Variants in BCAT1 observed in about 807,000 individuals in gnomAD.
The protein encoded by BCAT1 is branched-chain-amino-acid aminotransferase, cytosolic.
BCAT1 carries 48 observed loss-of-function variants against 52.4 expected under a neutral mutation model. The observed-to-expected ratio is 0.92, with a 90% confidence interval of 0.73 to 1.16. BCAT1 has a LOEUF of 1.16. Ranked by LOEUF, BCAT1 falls within the 50% of genes most tolerant of loss-of-function variation. The pLI, the probability that BCAT1 is intolerant of heterozygous loss-of-function variation, is 0.00. For missense variants in BCAT1, 451 were observed against 457.1 expected (o/e 0.99, Z 0.12); for synonymous variants, 167 against 161.3 (o/e 1.04, Z -0.27).
rs1478655461 is a variant in BCAT1, at chr12:24,901,824, C to T, written c.68G>A (p.Gly23Glu). Residue 23 changes from glycine to glutamate, a missense_variant, in exon 2 of 11, where the codon GGG (glycine) becomes GAG (glutamate). Coordinates refer to ENST00000261192, the MANE Select transcript of BCAT1 (RefSeq NM_005504.7). ...TGEGGSKEVVGTFKAKDLIVT... is the reference protein window; with the variant it reads ...TGEGGSKEVVETFKAKDLIVT... ...TGGCAAGCAACTTACCTTAAAAGTCCCCACCACCTCTTTTGATCCTCCTTC... is the reference window on the plus strand; with the variant it reads ...TGGCAAGCAACTTACCTTAAAAGTCTCCACCACCTCTTTTGATCCTCCTTC... The T allele has an allele frequency of 1.2e-6, 2 of 1,613,758 alleles. No individual in the cohort carries two copies. Among genetic ancestry groups the T allele is most frequent in the South Asian group, 2.2e-5 (2 of 91,010 alleles).
intron 1 of BCAT1, among the ~76,000 whole-genome samples, chr12:24,912,174 T>A (rs1268479039): frequency 6.6e-6 from 1 of 152,156 alleles, no homozygotes; most frequent in Non-Finnish European, 1.5e-5. Context: ...CCACAACATA[T>A]GCTCACGAAA....
At chr12:24,898,649 G>A (rs138346301) in intron 2 of BCAT1, among the ~76,000 whole-genome samples, 1,676 of 148,788 alleles carry the variant, frequency 0.011, 36 homozygotes, top group African/African-American at 0.039. Flanking sequence ...CCAGGTAGCT[G>A]GGATTACAGG....
chr12:24,899,859 A>G (rs1045622555), intron 2 of BCAT1, among the ~76,000 whole-genome samples: 20 of 151,458 alleles, frequency 1.3e-4, no homozygotes, highest in Non-Finnish European at 1.3e-4. Flanking sequence ...GATCTCATGG[A>G]GGAAGAGAGT....
chr12:24,923,212 G>T (rs1490720683), intron 1 of BCAT1, among the ~76,000 whole-genome samples: 2 of 152,154 alleles, frequency 1.3e-5, no homozygotes, highest in Non-Finnish European at 2.9e-5. Flanking sequence ...TCTTTTCAGG[G>T]AATGGTGAGA....
intron 6 of BCAT1, among the ~76,000 whole-genome samples, chr12:24,847,602 A>C (rs746329054): frequency 5.3e-5 from 8 of 152,178 alleles, no homozygotes; most frequent in Non-Finnish European, 8.8e-5. Context: ...TGTGCAAGAG[A>C]GAGAGAAAAA....
chr12:24,908,848 T>C (rs1333985516), intron 1 of BCAT1, among the ~76,000 whole-genome samples: 1 of 152,224 alleles, frequency 6.6e-6, no homozygotes, highest in East Asian at 1.9e-4. Context: ...TTGAGATTCG[T>C]TATCCTGGTT....
At chr12:24,902,673 C>A in intron 1 of BCAT1, 1 of 518,676 alleles carries the variant, frequency 1.9e-6, no homozygotes, top group Non-Finnish European at 3.2e-6. Flanking sequence ...TCACGTCCCC[C>A]GTGGCGGTCC....
At chr12:24,898,519 A>ATTTTTTTTT (rs1591853913) in intron 2 of BCAT1, among the ~76,000 whole-genome samples, 5 of 24,044 alleles carry the variant, frequency 2.1e-4, no homozygotes, top group South Asian at 1.6e-3. Context: ...TTCAGTCAAC[A>ATTTTTTTTT]CTTTTTTTTT....
chr12:24,868,000 G>A (rs749635726), intron 5 of BCAT1, among the ~76,000 whole-genome samples: 4 of 152,264 alleles, frequency 2.6e-5, no homozygotes, highest in African/African-American at 7.2e-5. Context: ...GCAAGACTCC[G>A]TCTCAATAAA....
chr12:24,896,139 C>T (rs1252436567), intron 2 of BCAT1, among the ~76,000 whole-genome samples: 4 of 152,156 alleles, frequency 2.6e-5, no homozygotes, highest in Non-Finnish European at 4.4e-5. Flanking sequence ...CAGGCATGAG[C>T]CACTGTGCCC....
intron 7 of BCAT1, among the ~76,000 whole-genome samples, chr12:24,836,906 G>GAGAA (rs1565454530): frequency 3.9e-5 from 3 of 76,266 alleles, no homozygotes; most frequent in African/African-American, 1.8e-4. Flanking sequence ...AGAAAAGAAA[G>GAGAA]AGAGAAAGAA....
intron 1 of BCAT1, among the ~76,000 whole-genome samples, chr12:24,928,704 T>TTTGTTG (rs71063374): frequency 0.012 from 1,769 of 144,168 alleles, 37 homozygotes; most frequent in African/African-American, 0.039. Context: ...GTGTGAAATG[T>TTTGTTG]TTGTTGTTGT....
chr12:24,921,033 G>T (rs2139721394), intron 1 of BCAT1, among the ~76,000 whole-genome samples: 1 of 152,172 alleles, frequency 6.6e-6, no homozygotes, highest in South Asian at 2.1e-4. Flanking sequence ...ATGAATTTTT[G>T]CTTACCTTCC....
intron 1 of BCAT1, among the ~76,000 whole-genome samples, chr12:24,937,275 CAGA>C (rs1322750615): frequency 1.3e-5 from 2 of 152,216 alleles, no homozygotes; most frequent in African/African-American, 4.8e-5. Flanking sequence ...GATGGGGAAT[CAGA>C]AGAAGACCTT....
chr12:24,823,218 ATTTGTTTGTTTGTTTG>A (rs34858948), intron 10 of BCAT1, among the ~76,000 whole-genome samples: 4 of 150,764 alleles, frequency 2.7e-5, no homozygotes, highest in Non-Finnish European at 4.4e-5. Context: ...TGCCCGATTA[ATTTGTTTGTTTGTTTG>A]TTTGTTTGTT....
intron 2 of BCAT1, among the ~76,000 whole-genome samples, chr12:24,898,307 A>C (rs1034348194): frequency 3.3e-5 from 5 of 150,250 alleles, no homozygotes; most frequent in Non-Finnish European, 7.4e-5. Flanking sequence ...AGGATGTTTC[A>C]CATCATATGT....
At chr12:24,826,407 C>T (rs1940402251) in intron 10 of BCAT1, among the ~76,000 whole-genome samples, 2 of 152,166 alleles carry the variant, frequency 1.3e-5, no homozygotes, top group South Asian at 2.1e-4. Flanking sequence ...TTCCCCGTTA[C>T]AGTTCTTGGC....
At chr12:24,868,759 G>C (rs966037603) in intron 5 of BCAT1, among the ~76,000 whole-genome samples, 6 of 152,112 alleles carry the variant, frequency 3.9e-5, no homozygotes, top group Non-Finnish European at 8.8e-5. Flanking sequence ...TGCATAAAAA[G>C]TATAAAACAT....
chr12:24,891,443 A>G (rs926880960), intron 3 of BCAT1, among the ~76,000 whole-genome samples: 2 of 152,184 alleles, frequency 1.3e-5, no homozygotes, highest in East Asian at 3.8e-4. Flanking sequence ...GACCCCAAGC[A>G]AAAACCACTT....
Sources: gnomAD v4.1 joint callset for allele counts (sites outside exome capture counted in the v4.1 genomes callset) on GRCh38, gnomAD v4.1.1 for gene constraint, MANE v1.5 for transcripts, NCBI Gene and HGNC (gene_info 2026-07-23, HGNC 2026-07-21) for gene names.